The following RNASEH2B variants were observed in gnomAD, a reference collection of about 807,000 sequenced individuals.
RNASEH2B encodes Aicardi-Goutieres syndrome 2 protein.
In RNASEH2B, 36 loss-of-function variants were observed where a neutral mutation model predicts 45.0. The ratio of observed to expected loss-of-function variants is 0.80; its 90% CI spans 0.61 to 1.06. RNASEH2B has a LOEUF of 1.06. RNASEH2B is among the 50% of genes least tolerant of loss of function. The probability of loss-of-function intolerance (pLI) is 0.00; values close to 1 mark genes in which losing one functional copy is unlikely to be tolerated. For synonymous variants in RNASEH2B, 119 were observed against 125.7 expected, an observed-to-expected ratio of 0.95 and a Z score of 0.35; for missense variants, 361 against 360.3, an observed-to-expected ratio of 1.00 and a Z score of -0.02.
intron 5 of RNASEH2B, among the ~76,000 whole-genome samples, chr13:50,939,586 A>G (rs1013784708): frequency 6.6e-6 from 1 of 152,154 alleles, no homozygotes; most frequent in South Asian, 2.1e-4. Context: ...ATATAGATAA[A>G]TGGAATAGAA....
Position 50,910,113 on chromosome 13 carries a change from G to A in RNASEH2B, c.37G>A (p.Ala13Thr), listed in dbSNP as rs1281632608. The change falls in exon 1 of 11, where the codon GCC becomes ACC. Residue 13 changes from alanine (A) to threonine (T), a missense_variant. By Grantham distance (58) the Ala-to-Thr change is moderately conservative. Coordinates refer to ENST00000336617, the MANE Select transcript of RNASEH2B (RefSeq NM_024570.4). Reference sequence around the variant, plus strand: ...CGTGGACTGCGGGGACGGGGTTGGCGCCCGGCAGCACGTGTTCCTGGTTTC... The same window carrying A: ...CGTGGACTGCGGGGACGGGGTTGGCACCCGGCAGCACGTGTTCCTGGTTTC... Reference protein sequence around the residue: ...AGVDCGDGVGARQHVFLVSEY... With the variant: ...AGVDCGDGVGTRQHVFLVSEY... The A allele has an allele frequency of 1.4e-6, 2 of 1,458,868 alleles. No individual in the cohort carries two copies. Among genetic ancestry groups the A allele is most frequent in the Non-Finnish European group, 9.0e-7 (1 of 1,107,556 alleles). The allele number at this position is 1,458,868 out of a possible 1,614,324, so 90.4% of individuals were successfully genotyped here.
At chr13:50,942,270 G>A (rs80283894) in intron 5 of RNASEH2B, 2 of 152,158 alleles carry the variant, frequency 1.3e-5, no homozygotes, top group East Asian at 3.9e-4. Context: ...TATAAGGCTG[G>A]GTGGATTGTG....
intron 9 of RNASEH2B, among the ~76,000 whole-genome samples, chr13:50,968,975 A>G (rs922788678): frequency 1.1e-4 from 17 of 152,242 alleles, no homozygotes; most frequent in African/African-American, 4.1e-4. Flanking sequence ...GTAAAATTAA[A>G]GTTAGACATG....
intron 1 of RNASEH2B, among the ~76,000 whole-genome samples, chr13:50,914,285 C>CA (rs1370388755): frequency 6.6e-6 from 1 of 152,106 alleles, no homozygotes; most frequent in Non-Finnish European, 1.5e-5. Flanking sequence ...TGTTCTTTGT[C>CA]AAAACGGTAT....
At chr13:50,912,054 A>G (rs1879435809) in intron 1 of RNASEH2B, 1 of 152,354 alleles carries the variant, frequency 6.6e-6, no homozygotes, top group Middle Eastern at 3.4e-3. Flanking sequence ...GTTTCTGTTC[A>G]GAGCTGAGAT....
chr13:50,923,374 G>A (rs1375770946), intron 1 of RNASEH2B, among the ~76,000 whole-genome samples: 1 of 152,152 alleles, frequency 6.6e-6, no homozygotes, highest in African/African-American at 2.4e-5. Context: ...ATCCATACCT[G>A]TGTGTGTGTC....
intron 9 of RNASEH2B, among the ~76,000 whole-genome samples, chr13:50,969,270 A>G (rs145656605): frequency 6.6e-6 from 1 of 152,286 alleles, no homozygotes; most frequent in Non-Finnish European, 1.5e-5. Flanking sequence ...CTTCCTTCTC[A>G]TCCACATTCT....
At chr13:50,942,978 C>T in intron 5 of RNASEH2B, 1 of 243,668 alleles carries the variant, frequency 4.1e-6, no homozygotes, top group Non-Finnish European at 7.9e-6. Context: ...GACCGGCCCT[C>T]TTCTGCCCAG....
Position 50,953,938 on chromosome 13 carries a change from AAAG to A in RNASEH2B, c.780_782del (p.Glu260del). Reference sequence around the variant, plus strand: ...GTTATCAGATGAGCCTGTAGAAGCAAAAGAAGATTACACTAAGTTTAATACTAA... The same window carrying A: ...GTTATCAGATGAGCCTGTAGAAGCAAAAGATTACACTAAGTTTAATACTAA... On this transcript the variant is annotated inframe_deletion, in exon 10 of 11. Coordinates refer to ENST00000336617, the MANE Select transcript of RNASEH2B (RefSeq NM_024570.4). 1 of 1,608,386 alleles carries A rather than the reference AAAG, an allele frequency of 6.2e-7. No homozygotes were observed. The highest frequency in any genetic ancestry group is 8.5e-7 in the Non-Finnish European group (1 of 1,174,788).
At chr13:50,962,522 T>C (rs1316734071) in intron 9 of RNASEH2B, among the ~76,000 whole-genome samples, 2 of 152,194 alleles carry the variant, frequency 1.3e-5, no homozygotes, top group Non-Finnish European at 2.9e-5. Flanking sequence ...TATTATCCTT[T>C]TAATGTCTGT....
chr13:50,910,192 C>T, intron 1 of RNASEH2B, 52 bp downstream of exon 1: 1 of 1,291,040 alleles, frequency 7.7e-7, no homozygotes, highest in South Asian at 1.9e-5. Flanking sequence ...GGCGGAGCGG[C>T]CCGCGACCCC....
chr13:50,929,370 A>G (rs571071397), intron 2 of RNASEH2B, 105 bp from the exon 3 acceptor site: 2 of 749,316 alleles, frequency 2.7e-6, no homozygotes, highest in South Asian at 2.9e-5. Flanking sequence ...GTTTATGTTC[A>G]TATTAGGAAC....
exon 10 of RNASEH2B, chr13:50,970,298 G>C (rs1952209111): frequency 2.0e-6 from 1 of 494,926 alleles, no homozygotes; most frequent in South Asian, 3.6e-5. Context: ...TGATTGTCTT[G>C]ATTTCACCCT....
chr13:50,964,884 A>G (rs1009911486), intron 9 of RNASEH2B, among the ~76,000 whole-genome samples: 1 of 151,646 alleles, frequency 6.6e-6, no homozygotes, highest in Non-Finnish European at 1.5e-5. Flanking sequence ...CCATCTTGTT[A>G]TTATCACTTA....
chr13:50,963,827 T>C (rs1282519709), intron 9 of RNASEH2B, among the ~76,000 whole-genome samples: 1 of 152,220 alleles, frequency 6.6e-6, no homozygotes, highest in Admixed American at 6.5e-5. Flanking sequence ...TTTCCACTAA[T>C]ACTTTTTTAA....
chr13:50,954,438 G>A (rs539460100), intron 10 of RNASEH2B: 153 of 206,288 alleles, frequency 7.4e-4, no homozygotes, highest in African/African-American at 3.3e-3. Flanking sequence ...TTTAACATTG[G>A]CATTATAATA....
chr13:50,967,688 A>G (rs1952179214), intron 9 of RNASEH2B, among the ~76,000 whole-genome samples: 2 of 152,190 alleles, frequency 1.3e-5, no homozygotes, highest in African/African-American at 4.8e-5. Context: ...TCACCTCTTT[A>G]CCAGATATGA....
At chr13:50,918,369 C>T (rs972064817) in intron 1 of RNASEH2B, among the ~76,000 whole-genome samples, 2 of 152,180 alleles carry the variant, frequency 1.3e-5, no homozygotes, top group South Asian at 2.1e-4. Context: ...GATCTCCTGA[C>T]GTCGTGATCC....
intron 1 of RNASEH2B, among the ~76,000 whole-genome samples, chr13:50,924,191 T>G (rs1696166084): frequency 6.6e-6 from 1 of 152,152 alleles, no homozygotes; most frequent in South Asian, 2.1e-4. Context: ...CATAATTATA[T>G]TAAATATAAA....
Sources: allele counts gnomAD v4.1 joint callset (sites outside exome capture counted in the v4.1 genomes callset), GRCh38; gene constraint gnomAD v4.1.1; transcripts MANE v1.5; gene names NCBI Gene and HGNC (gene_info 2026-07-23, HGNC 2026-07-21).